Variants in PARVB observed in about 807,000 individuals in gnomAD.
PARVB encodes the protein beta-parvin.
A neutral mutation model predicts 47.0 loss-of-function variants in PARVB; 46 were observed. That is an observed-to-expected ratio of 0.98 (90% CI 0.77 to 1.25). The LOEUF (loss-of-function observed/expected upper bound fraction) is 1.25. Ranked by LOEUF, PARVB falls within the 50% of genes most tolerant of loss-of-function variation. PARVB has a pLI of 0.00. For synonymous variants in PARVB, 196 were observed against 196.3 expected, an observed-to-expected ratio of 1.00 and a Z score of 0.01; for missense variants, 473 against 471.6, an observed-to-expected ratio of 1.00 and a Z score of -0.03.
At chr22:44,163,834 T>A in intron 11 of PARVB, 24 bp from the exon 12 acceptor site, 3 of 1,590,446 alleles carry the variant, frequency 1.9e-6, no homozygotes, top group Non-Finnish European at 2.6e-6. Flanking sequence ...ACCCTAACGC[T>A]GACCCACCCC....
At chr22:44,077,364 G>T (rs974892319) in intron 1 of PARVB, among the ~76,000 whole-genome samples, 1 of 152,106 alleles carries the variant, frequency 6.6e-6, no homozygotes, top group African/African-American at 2.4e-5. Context: ...TTGTAAGGAC[G>T]CCTGTCATTG....
intron 10 of PARVB, among the ~76,000 whole-genome samples, chr22:44,153,884 G>A (rs2053862474): frequency 6.6e-6 from 1 of 152,188 alleles, no homozygotes; most frequent in South Asian, 2.1e-4. Flanking sequence ...ATGTTTTTCT[G>A]CTCCTGTAAA....
At chr22:44,044,331 C>T (rs1238153371) in intron 1 of PARVB, among the ~76,000 whole-genome samples, 1 of 151,644 alleles carries the variant, frequency 6.6e-6, no homozygotes, top group African/African-American at 2.4e-5. Flanking sequence ...GCTGGGACTA[C>T]AGGCACCCGC....
intron 1 of PARVB, 51 bp from the exon 2 acceptor site, chr22:44,093,877 C>A: frequency 8.4e-7 from 1 of 1,184,430 alleles, no homozygotes; most frequent in South Asian, 1.3e-5. Flanking sequence ...CATGTGAGGC[C>A]ACGGCACTCC....
chr22:44,022,668 C>A (rs1307909267), upstream of PARVB, among the ~76,000 whole-genome samples: 1 of 152,154 alleles, frequency 6.6e-6, no homozygotes, highest in African/African-American at 2.4e-5. Flanking sequence ...CCCCAGGTGC[C>A]GTCCTCTGCT....
At chr22:44,134,602 G>A (rs1051200177) in intron 6 of PARVB, among the ~76,000 whole-genome samples, 2 of 152,178 alleles carry the variant, frequency 1.3e-5, no homozygotes, top group Non-Finnish European at 2.9e-5. Context: ...ACGGGAGCAG[G>A]GGGTCCTGTG....
At chr22:44,063,516 C>T (rs934172994) in intron 1 of PARVB, among the ~76,000 whole-genome samples, 8 of 152,138 alleles carry the variant, frequency 5.3e-5, no homozygotes, top group South Asian at 4.1e-4. Context: ...CGTGAGCCAC[C>T]GCGCCTGGCC....
At chr22:44,018,275 A>G (rs1398064503) in intron 2 of PARVB, among the ~76,000 whole-genome samples, 1 of 152,114 alleles carries the variant, frequency 6.6e-6, no homozygotes, top group Non-Finnish European at 1.5e-5. Context: ...GGTGGTGGGC[A>G]TCTGTAATCC....
chr22:44,064,109 G>A lies in PARVB; in HGVS notation c.113-29819G>A, dbSNP rs939838990. On this transcript the variant is annotated intron_variant, in intron 1 of 12. Coordinates refer to ENST00000338758, the MANE Select transcript of PARVB (RefSeq NM_013327.5). ...TTGGGGTGGTGCTGGGGCCTGGGGA[G>A]TGGAATATCCTGCTCTGTTAAGATG... is the stretch of plus-strand genomic sequence containing the variant. 3.9e-5 allele frequency among the ~76,000 whole-genome samples: 6 copies of A among 152,314 alleles called. No homozygotes were observed. The East Asian group carries it at 1.2e-3, about 29-fold the overall frequency.
intron 11 of PARVB, among the ~76,000 whole-genome samples, chr22:44,163,519 G>A (rs1196168877): frequency 2.0e-5 from 3 of 151,972 alleles, no homozygotes; most frequent in African/African-American, 7.3e-5. Context: ...AATAAAATGG[G>A]GCCCCTGTGA....
intron 3 of PARVB, chr22:44,111,884 C>T (rs1283906694): frequency 6.6e-6 from 1 of 151,942 alleles, no homozygotes; most frequent in Non-Finnish European, 1.5e-5. Flanking sequence ...GAGGCTCTGT[C>T]ACTGGCCTTA....
intron 4 of PARVB, among the ~76,000 whole-genome samples, chr22:44,124,450 T>C (rs1452209760): frequency 1.3e-5 from 2 of 152,198 alleles, no homozygotes; most frequent in Non-Finnish European, 2.9e-5. Context: ...TTTGATGGAC[T>C]GCACAGACAA....
At chr22:44,123,550 A>G (rs780952396) in intron 4 of PARVB, among the ~76,000 whole-genome samples, 1 of 152,128 alleles carries the variant, frequency 6.6e-6, no homozygotes, top group Non-Finnish European at 1.5e-5. Flanking sequence ...AGTAGCTGAG[A>G]GTACAGGTGC....
intron 12 of PARVB, among the ~76,000 whole-genome samples, chr22:44,164,709 C>T (rs2054128845): frequency 6.6e-6 from 1 of 152,176 alleles, no homozygotes. Context: ...GACCGTGGCC[C>T]CCTACCTAGC....
rs368232673 is a variant in PARVB at position 44,092,262 on chromosome 22, CACCACGCCCAGCTAATTTT to C, written c.113-1665_113-1647del. On this transcript the variant is annotated intron_variant, in intron 1 of 12. Transcript: ENST00000338758. ...AGTAGCTGGGACTACAGGCGCACGCCACCACGCCCAGCTAATTTTTGTATTTTTAGTAGAGACAAGGTTC... is the reference window on the plus strand; with the variant it reads ...AGTAGCTGGGACTACAGGCGCACGCCTGTATTTTTAGTAGAGACAAGGTTC... Among the ~76,000 whole-genome samples the C allele has an allele frequency of 1.5e-3, 222 of 152,270 alleles. 4 individuals are homozygous for C. Among genetic ancestry groups the C allele is most frequent in the African/African-American group, 5.0e-3 (206 of 41,536 alleles).
intron 1 of PARVB, among the ~76,000 whole-genome samples, chr22:44,080,684 T>C (rs1171279289): frequency 2.0e-5 from 3 of 152,298 alleles, no homozygotes; most frequent in South Asian, 2.1e-4. Flanking sequence ...CAGCCTTCCA[T>C]AGAGACAGTG....
At chr22:44,128,758 A>G (rs9614202) in intron 4 of PARVB, among the ~76,000 whole-genome samples, 36,971 of 152,168 alleles carry the variant, frequency 0.24, 5,352 homozygotes, top group Admixed American at 0.4. Context: ...CTGCAGGTTG[A>G]ACCTCGGAAT....
chr22:44,132,217 G>A lies in PARVB; in HGVS notation c.517+590G>A, dbSNP rs1402853651. Reference sequence around the variant, plus strand: ...CGTGCTTTGGTGAGCTGGGCTCTCAGTGGTAGGCAGGAGACCCTGGAGCCT... The same window carrying A: ...CGTGCTTTGGTGAGCTGGGCTCTCAATGGTAGGCAGGAGACCCTGGAGCCT... On this transcript the variant is annotated intron_variant, in intron 5 of 12. Transcript: ENST00000338758. Among the ~76,000 whole-genome samples the A allele has an allele frequency of 2.0e-5, 3 of 152,170 alleles. No individual in the cohort carries two copies. In the East Asian group the frequency reaches 5.8e-4, roughly 29 times the overall value.
chr22:44,034,118 A>G (rs1424556859), intron 1 of PARVB, among the ~76,000 whole-genome samples: 1 of 150,856 alleles, frequency 6.6e-6, no homozygotes, highest in East Asian at 1.9e-4. Flanking sequence ...TATAAAGAAT[A>G]TATGTATAAA....
Sources: gnomAD v4.1 joint callset for allele counts (sites outside exome capture counted in the v4.1 genomes callset) on GRCh38, gnomAD v4.1.1 for gene constraint, MANE v1.5 for transcripts, NCBI Gene and HGNC (gene_info 2026-07-23, HGNC 2026-07-21) for gene names.